RHOT1: variants seen among roughly 807,000 people sequenced by gnomAD.
RHOT1 encodes the protein mitochondrial Rho GTPase 1.
In RHOT1, 27 loss-of-function variants were observed where a neutral mutation model predicts 95.3. The ratio of observed to expected loss-of-function variants is 0.28; its 90% CI spans 0.21 to 0.39. RHOT1 has a LOEUF of 0.39. Among genes scored for constraint, RHOT1 ranks in the 10% least tolerant of loss-of-function variants. The pLI is 1.00. For missense variants in RHOT1, 578 were observed against 786.7 expected, an observed-to-expected ratio of 0.73 and a Z score of 3.17; for synonymous variants, 227 against 263.5, an observed-to-expected ratio of 0.86 and a Z score of 1.34.
intron 6 of RHOT1, among the ~76,000 whole-genome samples, chr17:32,180,854 T>TA (rs972723229): frequency 6.6e-5 from 10 of 152,182 alleles, no homozygotes; most frequent in African/African-American, 2.2e-4. Flanking sequence ...GGCTAATTTT[T>TA]AAAAAACTTT....
chr17:32,189,535 T>A (rs1427178588), intron 8 of RHOT1, among the ~76,000 whole-genome samples: 1 of 152,116 alleles, frequency 6.6e-6, no homozygotes, highest in Non-Finnish European at 1.5e-5. Context: ...GTTCTGCTAA[T>A]CTGTTAATCC....
At position 32,187,546 on chromosome 17, in the gene RHOT1, A is replaced by G. The variant is rs557115735; in HGVS notation, c.540+4274A>G. On this transcript the variant is annotated intron_variant, in intron 8 of 19. Transcript: ENST00000545287. Reference sequence around the variant, plus strand: ...AGCAATGACTCATGGCCTACCACCTATTTTCACAGTCTGTACACTAAGGAA... The same window carrying G: ...AGCAATGACTCATGGCCTACCACCTGTTTTCACAGTCTGTACACTAAGGAA... Among the ~76,000 whole-genome samples the G allele has an allele frequency of 7.2e-5, 11 of 152,276 alleles. 1 individual carries two copies. In the South Asian group the frequency reaches 2.1e-3, roughly 29 times the overall value.
intron 18 of RHOT1, 145 bp from the exon 19 acceptor site, chr17:32,210,971 C>T (rs1156385543): frequency 4.8e-6 from 3 of 622,482 alleles, no homozygotes; most frequent in Non-Finnish European, 7.7e-6. Context: ...TTCTGCACAA[C>T]TTTAGCATGC....
chr17:32,149,329 G>A (rs1257824652), intron 1 of RHOT1, among the ~76,000 whole-genome samples: 1 of 150,796 alleles, frequency 6.6e-6, no homozygotes, highest in Non-Finnish European at 1.5e-5. Context: ...AGTTTAATTA[G>A]TGTAATTTAA....
intron 1 of RHOT1, among the ~76,000 whole-genome samples, chr17:32,165,709 A>G (rs2034015308): frequency 6.6e-6 from 1 of 152,190 alleles, no homozygotes; most frequent in African/African-American, 2.4e-5. Flanking sequence ...TAGAAGTAAA[A>G]TGGAACTTGA....
chr17:32,154,149 A>AT, intron 1 of RHOT1, among the ~76,000 whole-genome samples: 1 of 151,844 alleles, frequency 6.6e-6, no homozygotes, highest in East Asian at 1.9e-4. Context: ...AAAAAAAAAA[A>AT]AGAGAAAAGG....
intron 6 of RHOT1, among the ~76,000 whole-genome samples, chr17:32,180,433 T>C (rs1348813207): frequency 6.6e-6 from 1 of 151,984 alleles, no homozygotes; most frequent in Non-Finnish European, 1.5e-5. Context: ...AAGATGTGCT[T>C]TGTTAAACAG....
rs567041361 is a variant in RHOT1, at chr17:32,195,880, C to A, written c.869+1773C>A. Among the ~76,000 whole-genome samples the A allele has an allele frequency of 1.5e-4, 23 of 152,166 alleles. 2 individuals carry two copies. In the South Asian group the frequency reaches 4.2e-3, roughly 28 times the overall value. ...TCTCATAAGGTTTTCTTTTCTGTGTCATTTATGTGAATAGATGAATTCTAT... is the reference window on the plus strand; with the variant it reads ...TCTCATAAGGTTTTCTTTTCTGTGTAATTTATGTGAATAGATGAATTCTAT... On this transcript the variant is annotated intron_variant, in intron 11 of 19. Coordinates refer to ENST00000545287, the MANE Select transcript of RHOT1 (RefSeq NM_001033566.3).
At chr17:32,224,525 A>T in intron 19 of RHOT1, 91 bp from the exon 20 acceptor site, 1 of 819,902 alleles carries the variant, frequency 1.2e-6, no homozygotes, top group Non-Finnish European at 2.0e-6. Flanking sequence ...CAAGTGTGCT[A>T]ATACTTCCCT....
intron 1 of RHOT1, among the ~76,000 whole-genome samples, chr17:32,168,324 A>G (rs1336250149): frequency 6.6e-6 from 1 of 151,936 alleles, no homozygotes; most frequent in Non-Finnish European, 1.5e-5. Flanking sequence ...CTGGAGTGCA[A>G]TGGTAAGATC....
intron 1 of RHOT1, among the ~76,000 whole-genome samples, chr17:32,162,305 A>G (rs1202900004): frequency 3.3e-5 from 5 of 152,222 alleles, no homozygotes; most frequent in Non-Finnish European, 7.3e-5. Flanking sequence ...CTCCTATCAT[A>G]TAGGAAATTC....
chr17:32,164,468 A>G (rs1056231501), intron 1 of RHOT1, among the ~76,000 whole-genome samples: 2 of 151,796 alleles, frequency 1.3e-5, no homozygotes, highest in Admixed American at 1.3e-4. Flanking sequence ...TCTTGACCTC[A>G]TGATCCGCCC....
chr17:32,217,969 T>C (rs2038587257), intron 19 of RHOT1, among the ~76,000 whole-genome samples: 1 of 151,672 alleles, frequency 6.6e-6, no homozygotes. Context: ...TTCAAGTGAT[T>C]CTCCTGTCTC....
chr17:32,193,678 A>G (rs2036660684), intron 10 of RHOT1, among the ~76,000 whole-genome samples: 1 of 152,202 alleles, frequency 6.6e-6, no homozygotes. Context: ...AGAATTTTCC[A>G]TGACAAAAAT....
At chr17:32,200,004 G>A (rs150747856) in intron 13 of RHOT1, among the ~76,000 whole-genome samples, 26 of 148,924 alleles carry the variant, frequency 1.7e-4, no homozygotes, top group African/African-American at 5.2e-4. Flanking sequence ...GTGTAGTGGC[G>A]TGATCTTGGC....
rs138064742 is a variant in RHOT1, at chr17:32,173,486, G to A, written c.97-345G>A. Reference sequence around the variant, plus strand: ...TCCCAGCACTTTGGGAGGCCGAGGCGGGTGGATCACAAGGTCAGGAGTTCA... The same window carrying A: ...TCCCAGCACTTTGGGAGGCCGAGGCAGGTGGATCACAAGGTCAGGAGTTCA... On this transcript the variant is annotated intron_variant, in intron 2 of 19. Coordinates refer to ENST00000545287, the MANE Select transcript of RHOT1 (RefSeq NM_001033566.3). Among the ~76,000 whole-genome samples the A allele has an allele frequency of 4.8e-3, 727 of 152,106 alleles. 7 individuals carry two copies. The highest frequency in any genetic ancestry group is 0.017 in the African/African-American group (695 of 41,508).
chr17:32,157,814 C>T (rs1305598665), intron 1 of RHOT1, among the ~76,000 whole-genome samples: 1 of 151,746 alleles, frequency 6.6e-6, no homozygotes, highest in Non-Finnish European at 1.5e-5. Context: ...CCCGCTCCCA[C>T]CCCGCCGCCC....
intron 1 of RHOT1, among the ~76,000 whole-genome samples, chr17:32,149,713 A>G (rs1417573638): frequency 6.9e-6 from 1 of 145,702 alleles, no homozygotes; most frequent in Admixed American, 6.8e-5. Context: ...ATACACACAT[A>G]CACATATATA....
intron 13 of RHOT1, among the ~76,000 whole-genome samples, 187 bp from the exon 14 acceptor site, chr17:32,200,769 A>G (rs1437380768): frequency 2.7e-5 from 4 of 150,466 alleles, no homozygotes; most frequent in East Asian, 3.9e-4. Flanking sequence ...GTAAGGCCCT[A>G]TCTTTCAAAA....
Sources: gnomAD v4.1 joint callset for allele counts (sites outside exome capture counted in the v4.1 genomes callset) on GRCh38, gnomAD v4.1.1 for gene constraint, MANE v1.5 for transcripts, NCBI Gene and HGNC (gene_info 2026-07-23, HGNC 2026-07-21) for gene names.